The following CSMD1 variants were observed in gnomAD, a reference collection of about 807,000 sequenced individuals.
The protein encoded by CSMD1 is CUB and Sushi multiple domains 1.
CSMD1 carries 213 observed loss-of-function variants against 417.5 expected under a neutral mutation model. The observed-to-expected ratio is 0.51, with a 90% CI of 0.46 to 0.57. The LOEUF is 0.57. Among genes scored for constraint, CSMD1 ranks in the 20% least tolerant of loss-of-function variants. The pLI, the probability that CSMD1 is intolerant of heterozygous loss-of-function variation, is 0.00. For missense variants in CSMD1, 6,923 were observed against 4,529.7 expected, an observed-to-expected ratio of 1.53 and a Z score of -15.17; for synonymous variants, 2,862 against 1,736.8, an observed-to-expected ratio of 1.65 and a Z score of -16.11.
chr8:3,823,502 T>C, intron 5 of CSMD1, among the ~76,000 whole-genome samples: 1 of 152,186 alleles, frequency 6.6e-6, no homozygotes. Context: ...TAGCTTATGC[T>C]TGAATCAAAT....
chr8:3,746,487 T>A (rs1170346731), intron 6 of CSMD1, among the ~76,000 whole-genome samples: 1 of 152,202 alleles, frequency 6.6e-6, no homozygotes, highest in African/African-American at 2.4e-5. Flanking sequence ...CATGCATTAA[T>A]ATTTCAGAGA....
chr8:4,368,391 G>T (rs559460711), intron 3 of CSMD1, among the ~76,000 whole-genome samples: 1 of 151,954 alleles, frequency 6.6e-6, no homozygotes, highest in African/African-American at 2.4e-5. Flanking sequence ...CAGTTTGCTG[G>T]TATTTTCTAC....
At chr8:3,319,678 GT>G (rs765306840) in intron 23 of CSMD1, among the ~76,000 whole-genome samples, 6 of 148,340 alleles carry the variant, frequency 4.0e-5, no homozygotes, top group African/African-American at 7.6e-5. Flanking sequence ...CAGATTATTT[GT>G]TTTTTTTTGC....
rs781119994 is a variant in CSMD1, at chr8:3,369,318, C to G, written c.2835G>C (p.Gly945=). Residue 945 remains glycine (G), a synonymous_variant, in exon 19 of 70, where the codon GGG becomes GGC. Coordinates refer to ENST00000635120, the MANE Select transcript of CSMD1 (RefSeq NM_033225.6). ...QGKSGTVLSP[G]FPDFYPNSLN... ...GAGAGTTTGGATAAAAATCTGGAAA[C>G]CCAGGAGAAAGGACTGTTCCACTCT... 10 of 1,608,156 alleles carry G rather than the reference C, an allele frequency of 6.2e-6. No homozygotes were observed. In the Admixed American group the frequency reaches 1.7e-4, roughly 27 times the overall value.
At chr8:4,008,668 T>G (rs1355863759) in intron 4 of CSMD1, among the ~76,000 whole-genome samples, 1 of 142,160 alleles carries the variant, frequency 7.0e-6, no homozygotes, top group East Asian at 2.2e-4. Flanking sequence ...TGGAGTGCAG[T>G]GGTGCGATCT....
intron 10 of CSMD1, among the ~76,000 whole-genome samples, chr8:3,573,077 A>C (rs1447787266): frequency 1.3e-5 from 2 of 152,230 alleles, no homozygotes; most frequent in Non-Finnish European, 2.9e-5. Context: ...GTAAATAGTT[A>C]ACAAATTGTT....
intron 2 of CSMD1, among the ~76,000 whole-genome samples, chr8:4,536,205 T>G (rs960837497): frequency 4.6e-5 from 7 of 152,182 alleles, no homozygotes; most frequent in African/African-American, 1.4e-4. Flanking sequence ...TTAACGATGC[T>G]TTTGCATTTC....
intron 5 of CSMD1, among the ~76,000 whole-genome samples, chr8:3,757,279 C>T (rs536313323): frequency 9.2e-5 from 14 of 152,224 alleles, no homozygotes; most frequent in Admixed American, 1.3e-4. Flanking sequence ...CCAGGGAGTA[C>T]GTACGTATTT....
chr8:4,902,101 T>C (rs577033891), intron 1 of CSMD1, among the ~76,000 whole-genome samples: 10 of 152,264 alleles, frequency 6.6e-5, no homozygotes, highest in Middle Eastern at 3.4e-3. Flanking sequence ...TTTTCATCTT[T>C]TCTTCCAAAT....
chr8:4,524,282 G>A (rs1189926493), intron 2 of CSMD1, among the ~76,000 whole-genome samples: 1 of 151,764 alleles, frequency 6.6e-6, no homozygotes, highest in Non-Finnish European at 1.5e-5. Flanking sequence ...CCCATCTAGT[G>A]GACAAATATG....
At chr8:4,924,813 T>A (rs1429065680) in intron 1 of CSMD1, among the ~76,000 whole-genome samples, 1 of 152,086 alleles carries the variant, frequency 6.6e-6, no homozygotes, top group Non-Finnish European at 1.5e-5. Context: ...CATATTGTTT[T>A]CATTTGTCAT....
At chr8:4,668,464 AT>A (rs1192101176) in intron 1 of CSMD1, among the ~76,000 whole-genome samples, 3 of 139,472 alleles carry the variant, frequency 2.2e-5, no homozygotes, top group African/African-American at 5.4e-5. Flanking sequence ...TATTATTATT[AT>A]TTGAGATGGA....
chr8:3,062,805 G>A (rs901404699), intron 49 of CSMD1, among the ~76,000 whole-genome samples: 21 of 152,168 alleles, frequency 1.4e-4, no homozygotes, highest in African/African-American at 4.6e-4. Flanking sequence ...AAAGCCTCTA[G>A]AATGTTTACT....
chr8:2,999,157 T>TA (rs1807172272), intron 53 of CSMD1, among the ~76,000 whole-genome samples: 4 of 123,120 alleles, frequency 3.2e-5, no homozygotes, highest in African/African-American at 2.0e-4. Flanking sequence ...TTTTTCCCTT[T>TA]TTTTTTTTTT....
chr8:4,678,571 T>G (rs1391767028), intron 1 of CSMD1, among the ~76,000 whole-genome samples: 1 of 152,210 alleles, frequency 6.6e-6, no homozygotes, highest in Non-Finnish European at 1.5e-5. Context: ...AATCTAACAT[T>G]ATATTCAGAA....
intron 5 of CSMD1, among the ~76,000 whole-genome samples, chr8:3,837,906 G>T (rs142493090): frequency 5.7e-4 from 87 of 152,198 alleles, no homozygotes; most frequent in African/African-American, 1.6e-3. Context: ...ACTTGGAAAT[G>T]CACAGATGAA....
At chr8:3,940,608 C>G (rs1162930107) in intron 5 of CSMD1, among the ~76,000 whole-genome samples, 2 of 151,072 alleles carry the variant, frequency 1.3e-5, no homozygotes, top group Non-Finnish European at 3.0e-5. Context: ...AACATATACA[C>G]CACAACACTG....
intron 25 of CSMD1, among the ~76,000 whole-genome samples, chr8:3,290,383 A>C (rs1259588448): frequency 6.8e-6 from 1 of 146,570 alleles, no homozygotes; most frequent in East Asian, 2.0e-4. Flanking sequence ...GGTAACTTGA[A>C]GGGGATGGCA....
intron 3 of CSMD1, among the ~76,000 whole-genome samples, chr8:4,174,930 C>A (rs1028692623): frequency 2.0e-5 from 3 of 150,894 alleles, no homozygotes; most frequent in African/African-American, 4.9e-5. Flanking sequence ...GATGTCAACT[C>A]CTTAATTTAA....
Sources: gnomAD v4.1 joint callset for allele counts (sites outside exome capture counted in the v4.1 genomes callset) on GRCh38, gnomAD v4.1.1 for gene constraint, MANE v1.5 for transcripts, NCBI Gene and HGNC (gene_info 2026-07-23, HGNC 2026-07-21) for gene names.